The following GSTCD variants were observed in gnomAD, a reference collection of about 807,000 sequenced individuals.
The protein encoded by GSTCD is glutathione S-transferase C-terminal domain containing, also known as glutathione S-transferase C-terminal domain-containing protein.
GSTCD carries 44 observed loss-of-function variants against 68.3 expected under a neutral mutation model. That is an observed-to-expected ratio of 0.64 (90% CI 0.51 to 0.83). GSTCD has a LOEUF of 0.83. Among genes scored for constraint, GSTCD ranks in the 40% least tolerant of loss-of-function variants. The pLI is 0.00. For missense variants in GSTCD, 739 were observed against 735.9 expected (o/e 1.00, Z -0.05); for synonymous variants, 273 against 255.2 (o/e 1.07, Z -0.67).
chr4:105,837,841 C>T lies in GSTCD; in HGVS notation c.1665-18C>T, dbSNP rs1724183065. On this transcript the variant is annotated intron_variant, in intron 9 of 11. Transcript: ENST00000515279. ...TAATATTTAGAATGATGACTAATTC[C>T]TTTTTTTTCTATTTCAGTGAACAAT... The T allele has an allele frequency of 2.0e-6, 2 of 1,014,228 alleles. No individual in the cohort carries two copies. The highest frequency in any genetic ancestry group is 1.7e-5 in the African/African-American group (1 of 60,434). 62.8% of individuals were successfully genotyped at this position (1,014,228 alleles called of 1,614,324 possible). A position where few individuals can be genotyped will look rare whatever the true frequency, so the allele number is the denominator to read the frequency against.
intron 2 of GSTCD, 50 bp from the exon 3 acceptor site, chr4:105,719,010 T>C (rs368699500): frequency 2.0e-4 from 275 of 1,367,854 alleles, no homozygotes; most frequent in Non-Finnish European, 2.7e-4. Context: ...TCTAAAGTTA[T>C]ATTGAAATTA....
chr4:105,753,149 T>C (rs1734063027), intron 5 of GSTCD: 1 of 152,110 alleles, frequency 6.6e-6, no homozygotes, highest in Admixed American at 6.6e-5. Flanking sequence ...CTGTGATGTT[T>C]TAGAATGAGG....
chr4:105,828,733 C>T (rs772897289), intron 8 of GSTCD, among the ~76,000 whole-genome samples: 2 of 152,120 alleles, frequency 1.3e-5, no homozygotes, highest in African/African-American at 2.4e-5. Context: ...AGGACACAAA[C>T]CACTTTGCTC....
intron 8 of GSTCD, among the ~76,000 whole-genome samples, chr4:105,833,632 G>T (rs1723989763): frequency 6.6e-6 from 1 of 152,112 alleles, no homozygotes; most frequent in South Asian, 2.1e-4. Context: ...TCAAAATCCA[G>T]TACAGGTTAT....
At chr4:105,735,263 G>A (rs1397245396) in intron 5 of GSTCD, among the ~76,000 whole-genome samples, 2 of 152,170 alleles carry the variant, frequency 1.3e-5, no homozygotes, top group African/African-American at 2.4e-5. Context: ...GCTGTGCCCT[G>A]CCCCCAGAGT....
At chr4:105,760,795 G>C (rs1734376386) in intron 5 of GSTCD, among the ~76,000 whole-genome samples, 1 of 152,034 alleles carries the variant, frequency 6.6e-6, no homozygotes, top group South Asian at 2.1e-4. Flanking sequence ...TTGATGGATT[G>C]GTATAGTTGA....
intron 5 of GSTCD, among the ~76,000 whole-genome samples, chr4:105,730,756 T>G (rs944522368): frequency 1.1e-4 from 17 of 152,278 alleles, no homozygotes; most frequent in South Asian, 2.1e-4. Context: ...ATTAGATCCC[T>G]TTTGTCAATT....
At chr4:105,836,310 T>TGCA (rs1199333672) in intron 9 of GSTCD, among the ~76,000 whole-genome samples, 2 of 152,144 alleles carry the variant, frequency 1.3e-5, no homozygotes, top group Admixed American at 6.5e-5. Context: ...GGGAAGGAAG[T>TGCA]GCATGCGATT....
At chr4:105,818,294 T>A (rs1305855715) in intron 5 of GSTCD, among the ~76,000 whole-genome samples, 1 of 92,876 alleles carries the variant, frequency 1.1e-5, no homozygotes, top group East Asian at 4.7e-4. Context: ...TTGAAAAAAA[T>A]TGTTATTGAC....
At chr4:105,805,378 G>T (rs1246436645) in intron 5 of GSTCD, among the ~76,000 whole-genome samples, 1 of 152,040 alleles carries the variant, frequency 6.6e-6, no homozygotes, top group African/African-American at 2.4e-5. Context: ...TGAATAAAAG[G>T]ATTCAGCTTC....
chr4:105,839,499 G>A (rs1324878646), intron 10 of GSTCD, among the ~76,000 whole-genome samples: 1 of 152,142 alleles, frequency 6.6e-6, no homozygotes, highest in African/African-American at 2.4e-5. Context: ...GCTGGGTGTG[G>A]TGACACACAC....
chr4:105,811,173 G>A (rs145590836), intron 5 of GSTCD, among the ~76,000 whole-genome samples: 17 of 152,048 alleles, frequency 1.1e-4, no homozygotes, highest in East Asian at 5.8e-4. Flanking sequence ...TGGGCATTGC[G>A]ATTCTCCAAA....
chr4:105,740,558 G>A (rs545623472), intron 5 of GSTCD, among the ~76,000 whole-genome samples: 1 of 152,064 alleles, frequency 6.6e-6, no homozygotes, highest in African/African-American at 2.4e-5. Context: ...TGTGGTGGGG[G>A]CGTGGGATGC....
At chr4:105,715,810 A>G (rs1732664391) in intron 1 of GSTCD, among the ~76,000 whole-genome samples, 1 of 152,084 alleles carries the variant, frequency 6.6e-6, no homozygotes, top group Admixed American at 6.6e-5. Flanking sequence ...CTTTTAAAGT[A>G]ATTTTCCTTC....
At chr4:105,811,601 C>T (rs1722755596) in intron 5 of GSTCD, among the ~76,000 whole-genome samples, 1 of 150,896 alleles carries the variant, frequency 6.6e-6, no homozygotes, top group Admixed American at 6.6e-5. Context: ...TTAGTGGGTG[C>T]AGCACACCAG....
intron 1 of GSTCD, among the ~76,000 whole-genome samples, chr4:105,713,394 T>G (rs566178749): frequency 6.6e-6 from 1 of 152,340 alleles, no homozygotes; most frequent in Non-Finnish European, 1.5e-5. Context: ...TATCAAGGAT[T>G]ACTGAAACCA....
chr4:105,778,968 T>C (rs1735176310), intron 5 of GSTCD, among the ~76,000 whole-genome samples: 1 of 152,166 alleles, frequency 6.6e-6, no homozygotes, highest in Non-Finnish European at 1.5e-5. Flanking sequence ...ACCCATCATT[T>C]ACTCCTGAAT....
intron 5 of GSTCD, among the ~76,000 whole-genome samples, chr4:105,822,133 T>A (rs1325912087): frequency 6.6e-6 from 1 of 152,070 alleles, no homozygotes; most frequent in African/African-American, 2.4e-5. Context: ...AGAATGCACT[T>A]GAAATATGTA....
At chr4:105,728,270 A>T (rs1368505582) in intron 4 of GSTCD, among the ~76,000 whole-genome samples, 1 of 152,202 alleles carries the variant, frequency 6.6e-6, no homozygotes, top group Non-Finnish European at 1.5e-5. Flanking sequence ...GGATACTTTA[A>T]AAGGATAAAT....
Sources: allele counts gnomAD v4.1 joint callset (sites outside exome capture counted in the v4.1 genomes callset), GRCh38; gene constraint gnomAD v4.1.1; transcripts MANE v1.5; gene names NCBI Gene and HGNC (gene_info 2026-07-23, HGNC 2026-07-21).